The following ADAM12 variants were observed in gnomAD, a reference collection of about 807,000 sequenced individuals.
ADAM12 encodes disintegrin and metalloproteinase domain-containing protein 12.
A neutral mutation model predicts 106.4 loss-of-function variants in ADAM12; 70 were observed. That is an observed-to-expected ratio of 0.66 (90% CI 0.54 to 0.80). The LOEUF is 0.80. Among genes scored for constraint, ADAM12 ranks in the 30% least tolerant of loss-of-function variants. ADAM12 has a pLI of 0.00. For synonymous variants in ADAM12, 420 were observed against 433.5 expected, an observed-to-expected ratio of 0.97 and a Z score of 0.39; for missense variants, 1,010 against 1,171.9, an observed-to-expected ratio of 0.86 and a Z score of 2.02.
chr10:126,061,196 G>T (rs1954749013), intron 14 of ADAM12, among the ~76,000 whole-genome samples: 1 of 152,126 alleles, frequency 6.6e-6, no homozygotes, highest in Admixed American at 6.5e-5. Context: ...TGAGTACCTT[G>T]CTCACTAGTC....
Position 126,201,476 on chromosome 10 carries a change from G to A in ADAM12, c.261-46171C>T, listed in dbSNP as rs181202751. ...GCAAGCACCAGAAGCTGGAAGAGGCGAGGAAGGGTTCCTCCCAGAGCCTTG... is the reference window on the plus strand; with the variant it reads ...GCAAGCACCAGAAGCTGGAAGAGGCAAGGAAGGGTTCCTCCCAGAGCCTTG... On this transcript the variant is annotated intron_variant, in intron 3 of 22. Transcript: ENST00000448723. 9.9e-4 allele frequency among the ~76,000 whole-genome samples: 151 copies of A among 152,260 alleles called. 1 individual carries two copies. The highest frequency in any genetic ancestry group is 1.7e-3 in the Non-Finnish European group (114 of 68,020).
chr10:126,318,969 A>G (rs1666836338), intron 2 of ADAM12, among the ~76,000 whole-genome samples: 1 of 152,192 alleles, frequency 6.6e-6, no homozygotes, highest in Admixed American at 6.5e-5. Flanking sequence ...CTTATTCACT[A>G]TCATGAGAAC....
chr10:126,175,247 G>A (rs753579478), intron 3 of ADAM12, among the ~76,000 whole-genome samples: 100 of 152,168 alleles, frequency 6.6e-4, no homozygotes, highest in Non-Finnish European at 1.9e-4. Context: ...GAAACACACA[G>A]CACCGGAAGA....
intron 5 of ADAM12, among the ~76,000 whole-genome samples, chr10:126,123,496 C>T (rs755749835): frequency 6.6e-6 from 1 of 152,208 alleles, no homozygotes; most frequent in Non-Finnish European, 1.5e-5. Context: ...GCCCAGCCAT[C>T]ACCCCAGGCT....
intron 3 of ADAM12, among the ~76,000 whole-genome samples, chr10:126,260,119 AC>A (rs1958971136): frequency 6.6e-6 from 1 of 152,160 alleles, no homozygotes. Context: ...ACATTACCAT[AC>A]ACATTACCAT....
At chr10:126,187,604 C>T (rs1379854391) in intron 3 of ADAM12, among the ~76,000 whole-genome samples, 1 of 152,136 alleles carries the variant, frequency 6.6e-6, no homozygotes. Context: ...ATTGCTCCTG[C>T]CCCTAGAGGG....
In ADAM12 at chr10:126,094,005, G is replaced by A. The variant is rs763772662; in HGVS notation, c.1125C>T (p.Cys375=). The change falls in exon 11 of 23, where the codon TGC becomes TGT. Residue 375 remains cysteine (C), a synonymous_variant. Coordinates refer to ENST00000448723, the MANE Select transcript of ADAM12 (RefSeq NM_001288973.2). ...SCQMAVEKGG[C]IMNASTGYPF... ...CTTGCCCGGTGGAAGCGTTCATGAT[G>A]CAGCCTCCTTTCTCAACCGCCATTT... The A allele has an allele frequency of 6.2e-7, 1 of 1,614,146 alleles. No individual in the cohort carries two copies. Among genetic ancestry groups the A allele is most frequent in the East Asian group, 2.2e-5 (1 of 44,870 alleles).
chr10:126,288,378 G>A (rs1488900418), intron 2 of ADAM12, among the ~76,000 whole-genome samples: 3 of 152,138 alleles, frequency 2.0e-5, no homozygotes, highest in South Asian at 2.1e-4. Flanking sequence ...TCAGCTCTCC[G>A]GAGAGGATTC....
intron 3 of ADAM12, among the ~76,000 whole-genome samples, chr10:126,231,744 C>T (rs1035987389): frequency 4.6e-5 from 7 of 152,206 alleles, no homozygotes; most frequent in East Asian, 1.9e-4. Flanking sequence ...CCTCCTGCCT[C>T]GGGGCGGCTG....
chr10:126,359,956 G>T (rs1281849025), intron 1 of ADAM12, among the ~76,000 whole-genome samples: 1 of 152,204 alleles, frequency 6.6e-6, no homozygotes, highest in Non-Finnish European at 1.5e-5. Context: ...CTAGCTGGAG[G>T]TTCCCAAACC....
chr10:126,177,033 T>C (rs1957231214), intron 3 of ADAM12, among the ~76,000 whole-genome samples: 1 of 133,538 alleles, frequency 7.5e-6, no homozygotes, highest in Non-Finnish European at 1.6e-5. Context: ...TATGTGTGTG[T>C]GCACATGTGC....
intron 3 of ADAM12, among the ~76,000 whole-genome samples, chr10:126,175,107 A>G (rs1406265392): frequency 6.6e-6 from 1 of 152,158 alleles, no homozygotes; most frequent in African/African-American, 2.4e-5. Flanking sequence ...CCTTGGGACC[A>G]CCTTCAGAGC....
At position 126,218,260 on chromosome 10, in the gene ADAM12, C is replaced by T. The variant is rs150462038; in HGVS notation, c.260+60655G>A. ...AAGGGACACTATAATACACGTGCCC[C>T]GACAACAGGCGTAACTTGGGCCATC... On this transcript the variant is annotated intron_variant, in intron 3 of 22. Transcript: ENST00000448723. Among the ~76,000 whole-genome samples the T allele has an allele frequency of 1.9e-3, 290 of 152,150 alleles. 1 individual carries two copies. The highest frequency in any genetic ancestry group is 6.6e-3 in the African/African-American group (276 of 41,508).
At chr10:126,309,397 T>C (rs1398554471) in intron 2 of ADAM12, among the ~76,000 whole-genome samples, 1 of 152,182 alleles carries the variant, frequency 6.6e-6, no homozygotes, top group East Asian at 1.9e-4. Flanking sequence ...GTCTCTCATA[T>C]CTAAAGCCAG....
intron 3 of ADAM12, among the ~76,000 whole-genome samples, chr10:126,172,268 T>C (rs566355556): frequency 6.6e-6 from 1 of 152,296 alleles, no homozygotes; most frequent in African/African-American, 2.4e-5. Context: ...ATTTCCAAAA[T>C]TAAACAATCA....
At chr10:126,371,920 G>A (rs1438559044) in intron 1 of ADAM12, among the ~76,000 whole-genome samples, 6 of 152,198 alleles carry the variant, frequency 3.9e-5, no homozygotes, top group Admixed American at 3.9e-4. Context: ...CTAGCCCACA[G>A]TGAGTCCCAT....
At chr10:126,018,610 T>G (rs530251774) in intron 22 of ADAM12, among the ~76,000 whole-genome samples, 1 of 152,264 alleles carries the variant, frequency 6.6e-6, no homozygotes, top group South Asian at 2.1e-4. Flanking sequence ...TATCATAAAT[T>G]TGTATAATTT....
At position 126,242,654 on chromosome 10, in the gene ADAM12, T is replaced by C. The variant is rs561282086; in HGVS notation, c.260+36261A>G. Among the ~76,000 whole-genome samples the C allele has an allele frequency of 3.9e-5, 6 of 152,290 alleles. No individual in the cohort carries two copies. In the East Asian group the frequency reaches 1.2e-3, roughly 29 times the overall value. On this transcript the variant is annotated intron_variant, in intron 3 of 22. Transcript: ENST00000448723. ...AAACCCTTTTAATGAAGACCAATTG[T>C]GCTTTATTTGAGTTGGAATAGGTAC... is the stretch of plus-strand genomic sequence containing the variant.
intron 3 of ADAM12, among the ~76,000 whole-genome samples, chr10:126,169,395 A>T (rs1276506845): frequency 2.0e-5 from 3 of 152,144 alleles, no homozygotes; most frequent in African/African-American, 7.2e-5. Flanking sequence ...TGTTTCCCCC[A>T]TTAGGGCAGA....
Sources: allele counts gnomAD v4.1 joint callset (sites outside exome capture counted in the v4.1 genomes callset), GRCh38; gene constraint gnomAD v4.1.1; transcripts MANE v1.5; gene names NCBI Gene and HGNC (gene_info 2026-07-23, HGNC 2026-07-21).